The following MYLK3 variants were observed in gnomAD, a reference collection of about 807,000 sequenced individuals.
MYLK3 encodes myosin light chain kinase 3.
MYLK3 carries 55 observed loss-of-function variants against 76.3 expected under a neutral mutation model. That is an observed-to-expected ratio of 0.72 (90% CI 0.58 to 0.90). The LOEUF (loss-of-function observed/expected upper bound fraction) is 0.90. MYLK3 is among the 40% of genes least tolerant of loss of function. The probability of loss-of-function intolerance (pLI) is 0.00; values close to 1 mark genes in which losing one functional copy is unlikely to be tolerated. For missense variants in MYLK3, 973 were observed against 1,053.6 expected, an observed-to-expected ratio of 0.92 and a Z score of 1.06; for synonymous variants, 416 against 425.4, an observed-to-expected ratio of 0.98 and a Z score of 0.27.
chr16:46,728,895 G>T, intron 7 of MYLK3, 129 bp downstream of exon 7: 1 of 674,740 alleles, frequency 1.5e-6, no homozygotes, highest in Middle Eastern at 4.0e-4. Context: ...AGAGAAGACA[G>T]GATGACACGA....
intron 9 of MYLK3, among the ~76,000 whole-genome samples, chr16:46,713,232 C>T (rs1966702970): frequency 7.1e-6 from 1 of 140,298 alleles, no homozygotes; most frequent in Non-Finnish European, 1.5e-5. Flanking sequence ...GGGTCTCACT[C>T]TGTCACCCAA....
chr16:46,761,067 CA>C (rs1555472725), intron 1 of MYLK3, among the ~76,000 whole-genome samples: 1 of 151,838 alleles, frequency 6.6e-6, no homozygotes, highest in African/African-American at 2.4e-5. Flanking sequence ...AAGAGGGAGG[CA>C]AAAAAATTAG....
intron 1 of MYLK3, among the ~76,000 whole-genome samples, chr16:46,743,048 C>T (rs1393452483): frequency 6.6e-6 from 1 of 152,222 alleles, no homozygotes; most frequent in Non-Finnish European, 1.5e-5. Context: ...CCACCCCCAG[C>T]TGGGTGCTGT....
chr16:46,748,843 G>GT (rs1246607979), upstream of MYLK3, among the ~76,000 whole-genome samples: 1 of 152,190 alleles, frequency 6.6e-6, no homozygotes, highest in Non-Finnish European at 1.5e-5. The surrounding 1 kb of genome is among the most constrained non-coding windows in gnomAD (Gnocchi z 4.3). Flanking sequence ...TGTCTGTGGG[G>GT]TGGCCGGCAG....
At chr16:46,716,435 ATATG>A (rs1966739134) in intron 9 of MYLK3, among the ~76,000 whole-genome samples, 1 of 151,664 alleles carries the variant, frequency 6.6e-6, no homozygotes, top group Non-Finnish European at 1.5e-5. Context: ...TAGCCCGCAT[ATATG>A]TATGTATGTG....
upstream of MYLK3, among the ~76,000 whole-genome samples, chr16:46,750,737 C>T (rs36472): frequency 0.79 from 119,247 of 151,528 alleles, 47,940 homozygotes; most frequent in East Asian, 0.99. Context: ...TGCCTGTAAT[C>T]CCAGCACTTT....
At chr16:46,735,250 G>C (rs928381718) in intron 3 of MYLK3, among the ~76,000 whole-genome samples, 1 of 152,078 alleles carries the variant, frequency 6.6e-6, no homozygotes, top group East Asian at 1.9e-4. Flanking sequence ...TTGTCCCCTA[G>C]GCTGGAGTGC....
rs934663561 is a variant in MYLK3, at chr16:46,704,600, G to A, written c.*3104C>T. 2.6e-5 allele frequency: 4 copies of A among 152,050 alleles called. No homozygotes were observed. The highest frequency in any genetic ancestry group is 5.9e-5 in the Non-Finnish European group (4 of 68,008). The allele number at this position is 152,050 out of a possible 1,614,324, so 9.4% of individuals were successfully genotyped here. A position where few individuals can be genotyped will look rare whatever the true frequency, so the allele number is the denominator to read the frequency against. ...AGCTGGTAAAGTATCTCAATTTTAT[G>A]TTGATTACATATTGAAATATTTTTG... On this transcript the variant is annotated 3_prime_UTR_variant, in exon 13 of 13. Coordinates refer to ENST00000394809, the MANE Select transcript of MYLK3 (RefSeq NM_182493.3).
chr16:46,731,555 G>A (rs1966852538), intron 4 of MYLK3, among the ~76,000 whole-genome samples: 1 of 152,118 alleles, frequency 6.6e-6, no homozygotes, highest in Non-Finnish European at 1.5e-5. Context: ...CCAACTACCG[G>A]GAACACCGAC....
rs1385755662 is a variant in MYLK3, at chr16:46,738,004, G to T, written c.708C>A (p.Phe236Leu). The change falls in exon 3 of 13, where the codon TTC (phenylalanine) becomes TTA (leucine). Residue 236 changes from phenylalanine (F) to leucine (L), a missense_variant. Physicochemically the swap from Phe to Leu is conservative, Grantham distance 22. Around this residue, in one of 2 missense-constraint regions of MYLK3, gnomAD observed 641 missense variants for 637.0 expected, o/e 1.01. Coordinates refer to ENST00000394809, the MANE Select transcript of MYLK3 (RefSeq NM_182493.3). ...GDGVPGPAQA[F>L]PGHLPLPTKV... ...TTGTGGGCAGGGGCAGGTGGCCAGG[G>T]AATGCCTGGGCTGGGCCAGGAACAC... 1.2e-6 allele frequency: 2 copies of T among 1,613,526 alleles called. No individual in the cohort carries two copies. The highest frequency in any genetic ancestry group is 2.2e-5 in the East Asian group (1 of 44,878).
upstream of MYLK3, among the ~76,000 whole-genome samples, chr16:46,748,520 A>G (rs1414144711): frequency 6.6e-6 from 1 of 152,150 alleles, no homozygotes; most frequent in East Asian, 1.9e-4. The surrounding 1 kb of genome is among the most constrained non-coding windows in gnomAD (Gnocchi z 4.3). Flanking sequence ...CAAATATGTT[A>G]AGAATCTGCC....
chr16:46,755,492 T>A (rs1567294093), intron 1 of MYLK3, among the ~76,000 whole-genome samples: 1 of 150,746 alleles, frequency 6.6e-6, no homozygotes, highest in Non-Finnish European at 1.5e-5. Context: ...AACAATAGCT[T>A]CAACCTAGGC....
intron 11 of MYLK3, among the ~76,000 whole-genome samples, chr16:46,710,247 C>A (rs1966669276): frequency 6.6e-6 from 1 of 152,132 alleles, no homozygotes; most frequent in Non-Finnish European, 1.5e-5. Flanking sequence ...AATGGCTTGA[C>A]CCATGACTTT....
Position 46,737,977 on chromosome 16 carries a change from C to T in MYLK3, c.735G>A (p.Lys245=), listed in dbSNP as rs1375885369. The change falls in exon 3 of 13, where the codon AAG becomes AAA. Residue 245 remains lysine (K), a synonymous_variant. Transcript: ENST00000394809. Reference sequence around the variant, plus strand: ...GTGTCTCAGGAGCCTTGGCTTCCACCTTTGTGGGCAGGGGCAGGTGGCCAG... The same window carrying T: ...GTGTCTCAGGAGCCTTGGCTTCCACTTTTGTGGGCAGGGGCAGGTGGCCAG... ...AFPGHLPLPT[K]VEAKAPETPS... 2 of 1,614,048 alleles carry T rather than the reference C, an allele frequency of 1.2e-6. No homozygotes were observed. The highest frequency in any genetic ancestry group is 1.1e-5 in the South Asian group (1 of 91,084).
chr16:46,751,461 A>C (rs1341667439), upstream of MYLK3, among the ~76,000 whole-genome samples: 1 of 152,232 alleles, frequency 6.6e-6, no homozygotes, highest in Admixed American at 6.5e-5. Context: ...GTCTTCATTA[A>C]GCAACAAGTT....
chr16:46,761,638 G>A (rs768862037), intron 1 of MYLK3, among the ~76,000 whole-genome samples: 12 of 152,022 alleles, frequency 7.9e-5, no homozygotes, highest in South Asian at 6.2e-4. Context: ...CCAACATGGC[G>A]AAACCCGGTC....
intron 9 of MYLK3, among the ~76,000 whole-genome samples, chr16:46,714,441 G>A (rs1351404803): frequency 6.6e-6 from 1 of 152,200 alleles, no homozygotes; most frequent in Non-Finnish European, 1.5e-5. Flanking sequence ...CCCATCCAGT[G>A]AAAGAGCAGC....
In MYLK3 at chr16:46,730,592, C is replaced by A; in HGVS notation, c.1568+1G>T. On this transcript the variant is annotated splice_donor_variant, in intron 5 of 12. Transcript: ENST00000394809. LOFTEE classifies it high-confidence loss of function. Reference sequence around the variant, plus strand: ...CCCAACCAAGGCAGATGCCCACCTACCCTCCCAAGACTTCGTGCTGGCACA... The same window carrying A: ...CCCAACCAAGGCAGATGCCCACCTAACCTCCCAAGACTTCGTGCTGGCACA... The A allele has an allele frequency of 1.2e-6, 2 of 1,613,698 alleles. No individual in the cohort carries two copies. Among genetic ancestry groups the A allele is most frequent in the Non-Finnish European group, 1.7e-6 (2 of 1,179,682 alleles).
rs71158891 is a variant in MYLK3, at chr16:46,744,330, CTTTTTT to C, written c.477+3381_477+3386del. On this transcript the variant is annotated intron_variant, in intron 1 of 12. Transcript: ENST00000394809. ...TACAGGCGTGAGCCACCACACCCAG[CTTTTTT>C]TTTTTTTTTTTTTTTTTTTTAAGAT... Among the ~76,000 whole-genome samples, 3 of 43,688 alleles carry C rather than the reference CTTTTTT, an allele frequency of 6.9e-5. No homozygotes were observed. In the East Asian group the frequency reaches 2.7e-3, roughly 39 times the overall value. 28.7% of individuals were successfully genotyped at this position (43,688 alleles called of 152,430 possible).
Sources: gnomAD v4.1 joint callset for allele counts (sites outside exome capture counted in the v4.1 genomes callset) on GRCh38, gnomAD v4.1.1 for gene constraint, gnomAD v4.1.1 regional missense constraint, Gnocchi (gnomAD v3.1) non-coding constraint, MANE v1.5 for transcripts, NCBI Gene and HGNC (gene_info 2026-07-23, HGNC 2026-07-21) for gene names.